Variants in ASCC2 observed in about 807,000 individuals in gnomAD.
ASCC2 encodes the protein activating signal cointegrator 1 complex subunit 2, also known as ASC-1 complex subunit P100.
Under a neutral mutation model 93.5 loss-of-function variants are expected in ASCC2, and 42 were observed. That is an observed-to-expected ratio of 0.45 (90% CI 0.35 to 0.58). The LOEUF (loss-of-function observed/expected upper bound fraction) is 0.58. Ranked by LOEUF, ASCC2 falls within the 20% of genes least tolerant of loss-of-function variation. ASCC2 has a pLI of 0.00. For missense variants in ASCC2, 859 were observed against 977.6 expected (o/e 0.88, Z 1.62); for synonymous variants, 364 against 384.2 (o/e 0.95, Z 0.62).
chr22:29,838,153 T>C (rs1193497618), intron 1 of ASCC2, 25 bp downstream of exon 1: 5 of 462,468 alleles, frequency 1.1e-5, no homozygotes, highest in South Asian at 6.1e-5. Flanking sequence ...GCCCTGCATC[T>C]GGCAGGGACC....
Position 29,825,079 on chromosome 22 carries a change from T to C in ASCC2, c.411+8A>G. 6.8e-7 allele frequency: 1 copy of C among 1,463,508 alleles called. No homozygotes were observed. Among genetic ancestry groups the C allele is most frequent in the South Asian group, 1.5e-5 (1 of 68,096 alleles). The allele number at this position is 1,463,508 out of a possible 1,614,324, so 90.7% of individuals were successfully genotyped here. A position where few individuals can be genotyped will look rare whatever the true frequency, so the allele number is the denominator to read the frequency against. On this transcript the variant is annotated splice_region_variant and intron_variant, in intron 4 of 19. Coordinates refer to ENST00000307790, the MANE Select transcript of ASCC2 (RefSeq NM_032204.5). The surrounding 1 kb of genome is among the most constrained non-coding windows in gnomAD (Gnocchi z 4.9). ...GGGTGATGACCTGTCATGGGATCAGTGGCTTACTTTGGATTCCTTGTGAGT... is the reference window on the plus strand; with the variant it reads ...GGGTGATGACCTGTCATGGGATCAGCGGCTTACTTTGGATTCCTTGTGAGT...
chr22:29,820,448 C>T (rs550397161), intron 5 of ASCC2, among the ~76,000 whole-genome samples: 11 of 152,030 alleles, frequency 7.2e-5, no homozygotes, highest in Middle Eastern at 3.4e-3. Context: ...AGGCGTGAGC[C>T]ACCTCGCCTG....
At chr22:29,815,467 A>G (rs2060732106) in intron 6 of ASCC2, among the ~76,000 whole-genome samples, 1 of 152,192 alleles carries the variant, frequency 6.6e-6, no homozygotes, top group Non-Finnish European at 1.5e-5. Flanking sequence ...AAGACAAATC[A>G]ACAGTGAGAG....
At chr22:29,790,350 G>A (rs144281916) in intron 19 of ASCC2, 119 bp downstream of exon 19, 14,748 of 979,292 alleles carry the variant, frequency 0.015, 170 homozygotes, top group Middle Eastern at 0.034. Context: ...CTGGGTTGTC[G>A]TGAGAACTAA....
intron 5 of ASCC2, among the ~76,000 whole-genome samples, chr22:29,820,917 A>C (rs1480726734): frequency 3.3e-5 from 5 of 151,476 alleles, no homozygotes; most frequent in African/African-American, 7.2e-5. Flanking sequence ...AATACACAAA[A>C]AAAAAAAAAA....
chr22:29,811,986 TA>T (rs925021809), intron 8 of ASCC2, among the ~76,000 whole-genome samples: 8 of 152,194 alleles, frequency 5.3e-5, no homozygotes, highest in African/African-American at 1.9e-4. Flanking sequence ...GATACCTTTT[TA>T]AAAAAGTGGA....
In ASCC2 at chr22:29,793,461, G is replaced by A. The variant is rs774168551; in HGVS notation, c.1818C>T (p.Pro606=). 56 of 1,614,060 alleles carry A rather than the reference G, an allele frequency of 3.5e-5. No homozygotes were observed. The African/African-American group carries it at 4.7e-4, about 13-fold the overall frequency. Residue 606 remains proline, a synonymous_variant, in exon 17 of 20, where the codon CCC becomes CCT. Transcript: ENST00000307790. Reference sequence around the variant, plus strand: ...CATCCTCGTAGTAGACACTGTGGTAGGGCAGGCTCTCGCCTGGCTGCAGTG... The same window carrying A: ...CATCCTCGTAGTAGACACTGTGGTAAGGCAGGCTCTCGCCTGGCTGCAGTG... The part of the protein sequence containing the change: ...EVPLQPGESL[P]YHSVYYEDEY...
At chr22:29,816,946 G>A (rs540648752) in intron 5 of ASCC2, among the ~76,000 whole-genome samples, 1 of 152,322 alleles carries the variant, frequency 6.6e-6, no homozygotes, top group South Asian at 2.1e-4. Context: ...TGGTCAGGAT[G>A]CTCTGAATTC....
intron 1 of ASCC2, chr22:29,834,501 T>C: frequency 2.1e-6 from 1 of 470,990 alleles, no homozygotes; most frequent in Non-Finnish European, 4.4e-6. Flanking sequence ...GTTCCAGCTC[T>C]AGGATCCCAG....
chr22:29,822,278 T>C lies in ASCC2; in HGVS notation c.541+57A>G, dbSNP rs2061659684. Reference sequence around the variant, plus strand: ...TCAAAGCGCTGGCCTTTGCAACCTTTAGTTTGGCATGTGGGGGCCATCTTG... The same window carrying C: ...TCAAAGCGCTGGCCTTTGCAACCTTCAGTTTGGCATGTGGGGGCCATCTTG... On this transcript the variant is annotated intron_variant, in intron 5 of 19. Coordinates refer to ENST00000307790, the MANE Select transcript of ASCC2 (RefSeq NM_032204.5). The C allele has an allele frequency of 2.5e-6, 4 of 1,604,820 alleles. No individual in the cohort carries two copies. In the East Asian group the frequency reaches 6.7e-5, roughly 27 times the overall value.
intron 4 of ASCC2, 62 bp from the exon 5 acceptor site, chr22:29,822,526 C>A: frequency 6.3e-7 from 1 of 1,582,032 alleles, no homozygotes; most frequent in Non-Finnish European, 8.6e-7. Context: ...TTATAAATAG[C>A]AAACTCATGA....
rs1431308793 is a variant in ASCC2 at position 29,793,606 on chromosome 22, A to G, written c.1759T>C (p.Tyr587His). The change falls in exon 16 of 20, where the codon TAC becomes CAC. Residue 587 changes from tyrosine to histidine, a missense_variant. Tyr to His is a moderately conservative substitution (Grantham distance 83). Coordinates refer to ENST00000307790, the MANE Select transcript of ASCC2 (RefSeq NM_032204.5). ...KRAVAAQRQR[Y>H]EQYSVVVEEV... is the part of the protein sequence containing the mutation. ...TCCACCACCACGCTGTACTGCTCGT[A>G]GCGCTGCCGCTGTGCCGCCACTGCA... 1.2e-6 allele frequency: 2 copies of G among 1,609,700 alleles called. No homozygotes were observed. The highest frequency in any genetic ancestry group is 2.2e-5 in the East Asian group (1 of 44,660).
intron 2 of ASCC2, among the ~76,000 whole-genome samples, chr22:29,828,221 T>G (rs2062699222): frequency 6.6e-6 from 1 of 152,088 alleles, no homozygotes; most frequent in South Asian, 2.1e-4. Flanking sequence ...TATGGAGGCA[T>G]AAACATGGGT....
intron 15 of ASCC2, among the ~76,000 whole-genome samples, chr22:29,798,330 G>A (rs1291683467): frequency 6.6e-6 from 1 of 151,784 alleles, no homozygotes; most frequent in East Asian, 1.9e-4. Context: ...AGATATGAGG[G>A]GTATTGGAGA....
intron 5 of ASCC2, chr22:29,821,790 T>G: frequency 6.3e-6 from 2 of 315,110 alleles, no homozygotes; most frequent in Non-Finnish European, 6.2e-6. Context: ...AGGCCAGGAG[T>G]TCAAGACCAG....
chr22:29,825,361 A>T lies in ASCC2; in HGVS notation c.241-104T>A, dbSNP rs749931369. ...ATGCCCATCAGCCCTGCCCTATTCC[A>T]AACACTCCGACCCCAAGGGACCAAG... On this transcript the variant is annotated intron_variant, in intron 3 of 19. Coordinates refer to ENST00000307790, the MANE Select transcript of ASCC2 (RefSeq NM_032204.5). The surrounding 1 kb of genome is among the most constrained non-coding windows in gnomAD (Gnocchi z 4.9). The T allele has an allele frequency of 8.6e-6, 12 of 1,389,080 alleles. No homozygotes were observed. The highest frequency in any genetic ancestry group is 1.5e-5 in the African/African-American group (1 of 68,884). The allele number at this position is 1,389,080 out of a possible 1,614,324, so 86.0% of individuals were successfully genotyped here.
Position 29,822,429 on chromosome 22 carries a change from G to A in ASCC2, c.447C>T (p.Ile149=), listed in dbSNP as rs2061677953. The A allele has an allele frequency of 6.2e-7, 1 of 1,613,988 alleles. No homozygotes were observed. Residue 149 remains isoleucine, a synonymous_variant, in exon 5 of 20, where the codon ATC becomes ATT. Coordinates refer to ENST00000307790, the MANE Select transcript of ASCC2 (RefSeq NM_032204.5). ...HFISPSAFGE[I]LYNNFLFDIP... is the part of the protein sequence containing the mutation. ...TGTCAAAGAGGAAGTTATTGTAGAG[G>A]ATTTCTCCAAACGCAGAAGGGGAAA...
chr22:29,807,012 G>A, intron 9 of ASCC2, 108 bp from the exon 10 acceptor site: 1 of 789,416 alleles, frequency 1.3e-6, no homozygotes, highest in South Asian at 1.8e-5. Context: ...TCTGAGGTGG[G>A]AGGATCACTT....
chr22:29,789,053 A>G lies in ASCC2; in HGVS notation c.2234T>C (p.Met745Thr). 1.2e-6 allele frequency: 2 copies of G among 1,614,110 alleles called. No homozygotes were observed. The highest frequency in any genetic ancestry group is 1.7e-6 in the Non-Finnish European group (2 of 1,180,014). The change falls in exon 20 of 20, where the codon ATG becomes ACG. Residue 745 changes from methionine (M) to threonine (T), a missense_variant. Coordinates refer to ENST00000307790, the MANE Select transcript of ASCC2 (RefSeq NM_032204.5). ...GCCTTTGCTCCTCTTGCGGTCGGCC[A>G]TGGTTCTCCGGTTGTGGTTGGCTCT... ...ATRANHNRRT[M>T]ADRKRSKGMI...
Sources: allele counts gnomAD v4.1 joint callset (sites outside exome capture counted in the v4.1 genomes callset), GRCh38; gene constraint gnomAD v4.1.1; non-coding constraint Gnocchi (gnomAD v3.1); transcripts MANE v1.5; gene names NCBI Gene and HGNC (gene_info 2026-07-23, HGNC 2026-07-21).